Variants in ACBD4 observed in about 807,000 individuals in gnomAD.
ACBD4 encodes the protein acyl-CoA-binding domain-containing protein 4.
In ACBD4, 41 loss-of-function variants were observed where a neutral mutation model predicts 46.0. The ratio of observed to expected loss-of-function variants is 0.89; its 90% CI spans 0.69 to 1.16. ACBD4 has a LOEUF of 1.16. Among genes scored for constraint, ACBD4 ranks in the 50% most tolerant of loss-of-function variants. The pLI is 0.00. For missense variants in ACBD4, 393 were observed against 399.5 expected, an observed-to-expected ratio of 0.98 and a Z score of 0.14; for synonymous variants, 162 against 155.9, an observed-to-expected ratio of 1.04 and a Z score of -0.29.
upstream of ACBD4, among the ~76,000 whole-genome samples, chr17:45,134,159 T>C (rs114414982): frequency 9.7e-3 from 1,474 of 152,304 alleles, 15 homozygotes; most frequent in African/African-American, 0.034. Context: ...ATTTTATTTG[T>C]TTATTAGAGA....
chr17:45,132,225 A>G, upstream of ACBD4: 3 of 1,255,724 alleles, frequency 2.4e-6, no homozygotes, highest in South Asian at 1.2e-4. This position sits in a 1 kb window ranked among gnomAD's most constrained non-coding sequence, Gnocchi z 4.6. Flanking sequence ...CGCCCACCCC[A>G]CCGCCCCTTG....
chr17:45,142,389 C>CAAAAAAAAAA (rs1161132274), intron 9 of ACBD4, among the ~76,000 whole-genome samples: 66 of 28,588 alleles, frequency 2.3e-3, no homozygotes, highest in Non-Finnish European at 2.5e-3. Flanking sequence ...CAAGACTCCT[C>CAAAAAAAAAA]AAAAAAAAAA....
chr17:45,136,477 TG>T lies in ACBD4; in HGVS notation c.89-21del, dbSNP rs761610565. On this transcript the variant is annotated intron_variant, in intron 2 of 9. Transcript: ENST00000321854. ...TGGAGCTGGGAGTGATGCTTTGCCC[TG>T]GCTTCCCAACTCTCTGCCCAGGTTC... is the stretch of plus-strand genomic sequence containing the variant. The T allele has an allele frequency of 2.5e-6, 4 of 1,605,834 alleles. No homozygotes were observed. The South Asian group carries it at 4.4e-5, about 18-fold the overall frequency.
chr17:45,137,506 G>T, intron 6 of ACBD4, 52 bp downstream of exon 6: 1 of 1,583,858 alleles, frequency 6.3e-7, no homozygotes, highest in South Asian at 1.1e-5. Context: ...GGGAGGGCTG[G>T]AGGGGAGAAG....
At chr17:45,133,340 G>C (rs527320002), upstream of ACBD4, 2 of 152,304 alleles carry the variant, frequency 1.3e-5, no homozygotes, top group Non-Finnish European at 2.9e-5. Context: ...GTCCGGCAGA[G>C]ACATGGGCGC....
Position 45,136,114 on chromosome 17 carries a change from T to A in ACBD4, c.-31T>A. The A allele has an allele frequency of 1.9e-6, 3 of 1,609,320 alleles. No homozygotes were observed. Among genetic ancestry groups the A allele is most frequent in the Non-Finnish European group, 2.5e-6 (3 of 1,178,832 alleles). Reference sequence around the variant, plus strand: ...CGAAGGCTGCTTCTTGCAGAGTCGCTCAAAAGTAGGGCCCCAGGGCTCGCA... The same window carrying A: ...CGAAGGCTGCTTCTTGCAGAGTCGCACAAAAGTAGGGCCCCAGGGCTCGCA... On this transcript the variant is annotated 5_prime_UTR_variant, in exon 2 of 10. Transcript: ENST00000321854.
upstream of ACBD4, chr17:45,132,604 T>C (rs1358988604): frequency 5.9e-6 from 1 of 170,686 alleles, no homozygotes; most frequent in Admixed American, 6.7e-5. This position sits in a 1 kb window ranked among gnomAD's most constrained non-coding sequence, Gnocchi z 4.6. Flanking sequence ...GCCGGGGCGG[T>C]GCGAGGGCGG....
chr17:45,132,121 C>A, upstream of ACBD4: 1 of 1,054,442 alleles, frequency 9.5e-7, no homozygotes, highest in Non-Finnish European at 1.2e-6. The surrounding 1 kb of genome is among the most constrained non-coding windows in gnomAD (Gnocchi z 4.6). Context: ...GCTGGCCCTC[C>A]GCCCCTAGCC....
At chr17:45,140,226 C>T (rs1334251456) in intron 9 of ACBD4, among the ~76,000 whole-genome samples, 1 of 151,270 alleles carries the variant, frequency 6.6e-6, no homozygotes, top group Non-Finnish European at 1.5e-5. Flanking sequence ...CTCTGTCGCC[C>T]AGGCTGAAGT....
chr17:45,139,188 A>T (rs752768318), intron 9 of ACBD4, 28 bp downstream of exon 9: 1 of 1,611,244 alleles, frequency 6.2e-7, no homozygotes, highest in Non-Finnish European at 8.5e-7. Context: ...ATAGGACAAG[A>T]TGATGGCAGA....
At chr17:45,141,364 G>T (rs1417268555) in intron 9 of ACBD4, among the ~76,000 whole-genome samples, 1 of 152,158 alleles carries the variant, frequency 6.6e-6, no homozygotes, top group Non-Finnish European at 1.5e-5. Context: ...GTGAACTGGA[G>T]GTTAGATCTA....
intron 8 of ACBD4, 135 bp from the exon 9 acceptor site, chr17:45,138,886 T>G: frequency 2.1e-6 from 2 of 934,048 alleles, no homozygotes; most frequent in Non-Finnish European, 3.2e-6. Flanking sequence ...ATAGATGGAC[T>G]TTGCAAGAAT....
rs1390367490 is a variant in ACBD4, at chr17:45,137,442, C to G, written c.490C>G (p.Pro164Ala). The change falls in exon 6 of 10, where the codon CCC (proline) becomes GCC (alanine). Residue 164 changes from proline to alanine, a missense_variant. By Grantham distance (27) the Pro-to-Ala change is conservative (BLOSUM62 -1). Transcript: ENST00000321854. ...EPPCLPKEPA[P>A]PSPESHSPRD... Reference sequence around the variant, plus strand: ...TCCCTGCCTCCCCAAGGAACCGGCACCCCCAAGCCCAGGTTAGTGCTTGAG... The same window carrying G: ...TCCCTGCCTCCCCAAGGAACCGGCAGCCCCAAGCCCAGGTTAGTGCTTGAG... The G allele has an allele frequency of 6.2e-7, 1 of 1,613,954 alleles. No individual in the cohort carries two copies.
At chr17:45,140,222 C>T (rs2055181423) in intron 9 of ACBD4, among the ~76,000 whole-genome samples, 1 of 149,456 alleles carries the variant, frequency 6.7e-6, no homozygotes. Flanking sequence ...CTTGCTCTGT[C>T]GCCCAGGCTG....
chr17:45,134,670 G>C (rs1182668023), upstream of ACBD4, among the ~76,000 whole-genome samples: 1 of 151,990 alleles, frequency 6.6e-6, no homozygotes, highest in Non-Finnish European at 1.5e-5. Context: ...CCAGTTGCTC[G>C]GGAGGCTGAG....
intron 9 of ACBD4, 23 bp from the exon 10 acceptor site, chr17:45,143,420 G>A (rs1318288771): frequency 1.3e-6 from 2 of 1,589,240 alleles, no homozygotes; most frequent in East Asian, 4.5e-5. Context: ...ACTGGCCTCT[G>A]ACTCCCTCCC....
In ACBD4 at chr17:45,139,104, C is replaced by G; in HGVS notation, c.733C>G (p.Gln245Glu). Reference sequence around the variant, plus strand: ...AGTTCGAGCACTACAGGAGAGCATGCAGGAGGTGCAGGCGAGGGTGCAGAG... The same window carrying G: ...AGTTCGAGCACTACAGGAGAGCATGGAGGAGGTGCAGGCGAGGGTGCAGAG... ...GTVRALQESM[Q>E]EVQARVQSLE... The change falls in exon 9 of 10, where the codon CAG (glutamine) becomes GAG (glutamate). Residue 245 changes from glutamine to glutamate, a missense_variant. Gln to Glu is a conservative substitution (Grantham distance 29, BLOSUM62 2). Coordinates refer to ENST00000321854, the MANE Select transcript of ACBD4 (RefSeq NM_001135705.3). 6.2e-7 allele frequency: 1 copy of G among 1,613,872 alleles called. No individual in the cohort carries two copies. Among genetic ancestry groups the G allele is most frequent in the Non-Finnish European group, 8.5e-7 (1 of 1,180,024 alleles).
chr17:45,138,447 GA>G (rs2055020171), intron 8 of ACBD4: 1 of 192,352 alleles, frequency 5.2e-6, no homozygotes, highest in South Asian at 1.1e-4. Context: ...CCCTGTGAGA[GA>G]AATGACATCT....
At chr17:45,132,818 C>A (rs1402164845), upstream of ACBD4, among the ~76,000 whole-genome samples, 1 of 152,154 alleles carries the variant, frequency 6.6e-6, no homozygotes, top group Non-Finnish European at 1.5e-5. This position sits in a 1 kb window ranked among gnomAD's most constrained non-coding sequence, Gnocchi z 4.6. Context: ...GGCCCTGACT[C>A]GAGGCTGACG....
Sources: allele counts gnomAD v4.1 joint callset (sites outside exome capture counted in the v4.1 genomes callset), GRCh38; gene constraint gnomAD v4.1.1; non-coding constraint Gnocchi (gnomAD v3.1); transcripts MANE v1.5; gene names NCBI Gene and HGNC (gene_info 2026-07-23, HGNC 2026-07-21).